MRAS: variants seen among roughly 807,000 people sequenced by gnomAD.
MRAS encodes muscle RAS oncogene homolog.
In MRAS, 4 loss-of-function variants were observed where a neutral mutation model predicts 20.9. The ratio of observed to expected loss-of-function variants is 0.19; its 90% CI spans 0.09 to 0.44. The LOEUF is 0.44. Among genes scored for constraint, MRAS ranks in the 20% least tolerant of loss-of-function variants. The pLI is 0.99. For missense variants in MRAS, 154 were observed against 277.5 expected (o/e 0.56, Z 3.16); for synonymous variants, 98 against 102.9 (o/e 0.95, Z 0.29).
intron 2 of MRAS, among the ~76,000 whole-genome samples, chr3:138,376,806 A>G (rs1006185656): frequency 1.2e-4 from 18 of 152,200 alleles, no homozygotes; most frequent in African/African-American, 3.9e-4. Flanking sequence ...GATAGGATAC[A>G]TTGTCCTTAG....
At chr3:138,402,108 G>T in intron 5 of MRAS, 62 bp from the exon 6 acceptor site, 1 of 1,504,180 alleles carries the variant, frequency 6.6e-7, no homozygotes, top group Non-Finnish European at 9.2e-7. Flanking sequence ...AGGGAGGAGA[G>T]GGGCAGAGGA....
intron 1 of MRAS, among the ~76,000 whole-genome samples, chr3:138,366,928 A>G (rs1306169364): frequency 6.6e-6 from 1 of 152,212 alleles, no homozygotes; most frequent in East Asian, 1.9e-4. Context: ...TTCGTTTAAC[A>G]TGTGCTGCTC....
chr3:138,371,892 C>T (rs555020401), intron 1 of MRAS, among the ~76,000 whole-genome samples: 1 of 152,270 alleles, frequency 6.6e-6, no homozygotes, highest in Non-Finnish European at 1.5e-5. Flanking sequence ...AGGAGGCTCC[C>T]TCCTGCCTCT....
chr3:138,371,142 C>T (rs904968751), intron 1 of MRAS, among the ~76,000 whole-genome samples: 2 of 152,148 alleles, frequency 1.3e-5, no homozygotes, highest in Non-Finnish European at 2.9e-5. Flanking sequence ...AATATATTTA[C>T]GCAAGTGTAT....
rs551993035 is a variant in MRAS, at chr3:138,348,650, C to G, written c.-136C>G. On this transcript the variant is annotated 5_prime_UTR_variant, in exon 1 of 6. Coordinates refer to ENST00000423968, the MANE Select transcript of MRAS (RefSeq NM_001085049.3). Reference sequence around the variant, plus strand: ...GGGACGGACCGGAGTGGCCGGCTGGCGGGGAGCCGTCAGTCCGGCGGCCGC... The same window carrying G: ...GGGACGGACCGGAGTGGCCGGCTGGGGGGGAGCCGTCAGTCCGGCGGCCGC... The G allele has an allele frequency of 6.6e-6, 1 of 151,582 alleles. No individual in the cohort carries two copies. Among genetic ancestry groups the G allele is most frequent in the Non-Finnish European group, 1.5e-5 (1 of 67,874 alleles). 9.4% of individuals were successfully genotyped at this position (151,582 alleles called of 1,614,324 possible). A position where few individuals can be genotyped will look rare whatever the true frequency, so the allele number is the denominator to read the frequency against.
chr3:138,358,217 G>C (rs1488352486), intron 1 of MRAS, among the ~76,000 whole-genome samples: 2 of 152,164 alleles, frequency 1.3e-5, no homozygotes, highest in South Asian at 2.1e-4. Flanking sequence ...TGTTCCTGTA[G>C]TAACAGCTAC....
intron 2 of MRAS, among the ~76,000 whole-genome samples, chr3:138,385,975 T>C (rs1363718457): frequency 1.3e-5 from 2 of 152,148 alleles, no homozygotes; most frequent in Non-Finnish European, 2.9e-5. Flanking sequence ...AGGATGGTCT[T>C]AGGAGCAGAG....
chr3:138,367,823 C>T (rs1363009509), intron 1 of MRAS, among the ~76,000 whole-genome samples: 2 of 152,230 alleles, frequency 1.3e-5, no homozygotes, highest in Admixed American at 6.5e-5. Flanking sequence ...AACTTCAAAC[C>T]ATGCAAGAAG....
At chr3:138,352,328 C>G (rs2108490292) in intron 1 of MRAS, among the ~76,000 whole-genome samples, 1 of 152,334 alleles carries the variant, frequency 6.6e-6, no homozygotes, top group African/African-American at 2.4e-5. Flanking sequence ...TTGCCCTGGC[C>G]CCCAGCACTG....
chr3:138,398,596 G>C (rs2055291623), intron 4 of MRAS, 28 bp downstream of exon 4: 1 of 1,597,544 alleles, frequency 6.3e-7, no homozygotes, highest in South Asian at 1.1e-5. Context: ...TGTAGAGGGG[G>C]TCAGGAGATG....
intron 1 of MRAS, among the ~76,000 whole-genome samples, chr3:138,368,591 C>T (rs1233736056): frequency 6.6e-6 from 1 of 152,170 alleles, no homozygotes; most frequent in Non-Finnish European, 1.5e-5. Context: ...ATACCACCTT[C>T]CCACCTCAAA....
intron 2 of MRAS, among the ~76,000 whole-genome samples, chr3:138,395,539 C>T (rs2055218379): frequency 6.6e-6 from 1 of 152,156 alleles, no homozygotes; most frequent in Non-Finnish European, 1.5e-5. Context: ...CTGGAGTGCT[C>T]TTCCGCTAGG....
chr3:138,401,281 G>A (rs1480575644), intron 5 of MRAS, among the ~76,000 whole-genome samples: 1 of 152,166 alleles, frequency 6.6e-6, no homozygotes, highest in East Asian at 1.9e-4. Flanking sequence ...GCGGGTCTCA[G>A]ACATTGTGCG....
intron 1 of MRAS, among the ~76,000 whole-genome samples, chr3:138,369,920 T>C (rs1281202809): frequency 6.6e-6 from 1 of 152,264 alleles, no homozygotes; most frequent in Non-Finnish European, 1.5e-5. Flanking sequence ...TCTTGTTTTC[T>C]TTTGAGAAGA....
intron 4 of MRAS, among the ~76,000 whole-genome samples, chr3:138,398,871 G>T (rs116880305): frequency 6.6e-6 from 1 of 152,182 alleles, no homozygotes; most frequent in East Asian, 1.9e-4. Context: ...GTGGTCTGAG[G>T]CCCTGGAACC....
chr3:138,394,613 C>T (rs2055197263), intron 2 of MRAS, among the ~76,000 whole-genome samples: 1 of 152,162 alleles, frequency 6.6e-6, no homozygotes, highest in Non-Finnish European at 1.5e-5. Context: ...ACTTAAGTCC[C>T]CCAATACCTA....
chr3:138,367,690 T>C (rs1576353245), intron 1 of MRAS, among the ~76,000 whole-genome samples: 1 of 152,180 alleles, frequency 6.6e-6, no homozygotes, highest in Non-Finnish European at 1.5e-5. Context: ...GAGTAGAGAC[T>C]GAGCTTCCCA....
rs563022615 is a variant in MRAS at position 138,382,753 on chromosome 3, A to G, written c.193+9677A>G. ...CTCGTTCCAGATTTGTCAGCATCCC[A>G]AAATCCAAGTGTTTTTCCACTTTCC... On this transcript the variant is annotated intron_variant, in intron 2 of 5. Coordinates refer to ENST00000423968, the MANE Select transcript of MRAS (RefSeq NM_001085049.3). Among the ~76,000 whole-genome samples the G allele has an allele frequency of 7.9e-5, 12 of 152,332 alleles. No individual in the cohort carries two copies. The South Asian group carries it at 2.5e-3, about 32-fold the overall frequency.
chr3:138,366,039 G>A (rs2054553460), intron 1 of MRAS, among the ~76,000 whole-genome samples: 1 of 152,206 alleles, frequency 6.6e-6, no homozygotes, highest in African/African-American at 2.4e-5. Context: ...ATGAAACAAG[G>A]GGCTGGAGCA....
Sources: allele counts gnomAD v4.1 joint callset (sites outside exome capture counted in the v4.1 genomes callset), GRCh38; gene constraint gnomAD v4.1.1; transcripts MANE v1.5; gene names NCBI Gene and HGNC (gene_info 2026-07-23, HGNC 2026-07-21).